Variants in RASGRF2 observed in about 807,000 individuals in gnomAD.
RASGRF2 encodes the protein ras-specific guanine nucleotide-releasing factor 2.
Under a neutral mutation model 151.0 loss-of-function variants are expected in RASGRF2, and 76 were observed. The observed-to-expected ratio is 0.50, with a 90% CI of 0.42 to 0.61. The LOEUF (loss-of-function observed/expected upper bound fraction) is 0.61, where lower values mean the gene tolerates loss of function less well. Ranked by LOEUF, RASGRF2 falls within the 20% of genes least tolerant of loss-of-function variation. RASGRF2 has a pLI of 0.00. For synonymous variants in RASGRF2, 504 were observed against 566.5 expected, an observed-to-expected ratio of 0.89 and a Z score of 1.57; for missense variants, 1,148 against 1,564.6, an observed-to-expected ratio of 0.73 and a Z score of 4.49.
intron 17 of RASGRF2, among the ~76,000 whole-genome samples, chr5:81,172,159 G>A (rs1266882684): frequency 2.0e-5 from 3 of 151,928 alleles, no homozygotes; most frequent in African/African-American, 4.8e-5. Flanking sequence ...TAAAAACAAG[G>A]AATATGTTTT....
chr5:81,079,996 G>T, intron 5 of RASGRF2, 125 bp from the exon 6 acceptor site: 5 of 1,224,412 alleles, frequency 4.1e-6, no homozygotes, highest in Non-Finnish European at 5.4e-6. Context: ...TTATTATTGG[G>T]TATAGTTTGG....
intron 18 of RASGRF2, 77 bp downstream of exon 18, chr5:81,180,358 C>A: frequency 2.3e-6 from 2 of 862,730 alleles, no homozygotes; most frequent in Non-Finnish European, 3.9e-6. Context: ...ACATGTAAAA[C>A]ACCTCCCTAC....
intron 2 of RASGRF2, among the ~76,000 whole-genome samples, chr5:81,047,026 A>G (rs1329525628): frequency 6.6e-6 from 1 of 152,176 alleles, no homozygotes; most frequent in East Asian, 1.9e-4. Flanking sequence ...CTTTGTGACT[A>G]TCTGGATTTG....
intron 3 of RASGRF2, among the ~76,000 whole-genome samples, chr5:81,068,461 G>T (rs865952657): frequency 1.2e-4 from 18 of 150,542 alleles, no homozygotes; most frequent in Admixed American, 1.3e-4. Context: ...AGAAATTCAA[G>T]AATTGATTAT....
At position 80,960,840 on chromosome 5, in the gene RASGRF2, C is replaced by A. The variant is rs1250192100; in HGVS notation, c.102C>A (p.Ala34=). 1.2e-6 allele frequency: 2 copies of A among 1,613,002 alleles called. No individual in the cohort carries two copies. The highest frequency in any genetic ancestry group is 3.5e-4 in the Middle Eastern group (2 of 5,794). The part of the protein sequence containing the change: ...TKRGFLSKKT[A]EASRWHEKWF... The stretch of plus-strand genomic sequence containing the variant: ...GCGGCTTCCTGAGTAAGAAGACGGC[C>A]GAGGCGAGCCGCTGGCACGAGAAGT... Residue 34 remains alanine (A), a synonymous_variant, in exon 1 of 27, where the codon GCC becomes GCA. Coordinates refer to ENST00000265080, the MANE Select transcript of RASGRF2 (RefSeq NM_006909.3). The surrounding 1 kb of genome is among the most constrained non-coding windows in gnomAD (Gnocchi z 5.5).
At chr5:81,077,405 A>G (rs1751970491) in intron 5 of RASGRF2, among the ~76,000 whole-genome samples, 1 of 152,216 alleles carries the variant, frequency 6.6e-6, no homozygotes, top group African/African-American at 2.4e-5. Flanking sequence ...TGACAAGAGT[A>G]GTGTTGGAGA....
chr5:80,994,529 A>C (rs1296780144), intron 1 of RASGRF2, among the ~76,000 whole-genome samples: 1 of 152,184 alleles, frequency 6.6e-6, no homozygotes, highest in Non-Finnish European at 1.5e-5. Context: ...GCTGGAGGGT[A>C]AAAATAAAAC....
In RASGRF2 at chr5:81,086,147, T is replaced by C. The variant is rs954562726; in HGVS notation, c.1271+236T>C. The stretch of plus-strand genomic sequence containing the variant: ...TCTTATAGCATGTGAATTTATGTAA[T>C]TCAGATTAGGTGTATTTTGGTTTAA... On this transcript the variant is annotated intron_variant, in intron 8 of 26. Transcript: ENST00000265080. 2.0e-5 allele frequency among the ~76,000 whole-genome samples: 3 copies of C among 152,104 alleles called. No individual in the cohort carries two copies. The South Asian group carries it at 6.2e-4, about 32-fold the overall frequency.
chr5:81,117,253 G>T (rs1286958675), intron 15 of RASGRF2, among the ~76,000 whole-genome samples: 1 of 152,174 alleles, frequency 6.6e-6, no homozygotes, highest in African/African-American at 2.4e-5. Flanking sequence ...GTTATAGCAG[G>T]ATATTTTAAA....
chr5:81,048,206 T>G (rs1000996984), intron 2 of RASGRF2, among the ~76,000 whole-genome samples: 1 of 152,180 alleles, frequency 6.6e-6, no homozygotes, highest in Non-Finnish European at 1.5e-5. Flanking sequence ...TCCAACACCA[T>G]AGTTTGTATT....
chr5:81,160,960 T>G (rs1754370625), intron 17 of RASGRF2, among the ~76,000 whole-genome samples: 1 of 152,202 alleles, frequency 6.6e-6, no homozygotes, highest in Non-Finnish European at 1.5e-5. Context: ...TATCAGGGAC[T>G]GTGGTTTTGG....
intron 1 of RASGRF2, chr5:80,997,388 G>A (rs1748918058): frequency 6.6e-6 from 1 of 152,208 alleles, no homozygotes; most frequent in Admixed American, 6.5e-5. Flanking sequence ...AGTACAAGGA[G>A]ACTTCTTAAT....
At chr5:81,005,218 A>G (rs1049297420) in intron 1 of RASGRF2, among the ~76,000 whole-genome samples, 3 of 152,186 alleles carry the variant, frequency 2.0e-5, no homozygotes, top group Non-Finnish European at 4.4e-5. Context: ...GAAGGGAAAG[A>G]GGTTTAGTTG....
At chr5:81,155,085 A>G (rs1754229563) in intron 17 of RASGRF2, among the ~76,000 whole-genome samples, 1 of 152,186 alleles carries the variant, frequency 6.6e-6, no homozygotes, top group Non-Finnish European at 1.5e-5. Flanking sequence ...TCTTCTTAAG[A>G]AAAATTAGAA....
intron 1 of RASGRF2, among the ~76,000 whole-genome samples, chr5:81,041,415 C>T (rs533997313): frequency 2.0e-5 from 3 of 152,236 alleles, no homozygotes; most frequent in East Asian, 3.9e-4. Context: ...AGACATCTGT[C>T]ACTTTGTCTA....
At chr5:81,093,623 C>G (rs1383145127) in intron 10 of RASGRF2, among the ~76,000 whole-genome samples, 2 of 152,172 alleles carry the variant, frequency 1.3e-5, no homozygotes, top group African/African-American at 4.8e-5. Context: ...CTATGTTACT[C>G]AGGCTGGTCT....
At chr5:81,074,709 T>C (rs1751885029) in intron 5 of RASGRF2, among the ~76,000 whole-genome samples, 2 of 152,210 alleles carry the variant, frequency 1.3e-5, no homozygotes, top group African/African-American at 4.8e-5. Flanking sequence ...GACATGGTAT[T>C]ACAATCTGTG....
intron 5 of RASGRF2, among the ~76,000 whole-genome samples, chr5:81,078,219 G>A (rs368299579): frequency 4.0e-4 from 61 of 152,170 alleles, no homozygotes; most frequent in South Asian, 2.9e-3. Context: ...TGAGATATCC[G>A]TCACCTCAAA....
chr5:81,031,174 G>C (rs917420451), intron 1 of RASGRF2, among the ~76,000 whole-genome samples: 1 of 152,156 alleles, frequency 6.6e-6, no homozygotes, highest in African/African-American at 2.4e-5. Flanking sequence ...CCTACAAAGA[G>C]ACTTAGACTC....
Sources: allele counts gnomAD v4.1 joint callset (sites outside exome capture counted in the v4.1 genomes callset), GRCh38; gene constraint gnomAD v4.1.1; non-coding constraint Gnocchi (gnomAD v3.1); transcripts MANE v1.5; gene names NCBI Gene and HGNC (gene_info 2026-07-23, HGNC 2026-07-21).